ZSWIM6: variants seen among roughly 807,000 people sequenced by gnomAD.
ZSWIM6 encodes zinc finger SWIM-type containing 6.
Under a neutral mutation model 113.2 loss-of-function variants are expected in ZSWIM6, and 9 were observed. The ratio of observed to expected loss-of-function variants is 0.08; its 90% confidence interval spans 0.05 to 0.14. The LOEUF (loss-of-function observed/expected upper bound fraction) is 0.14. ZSWIM6 is among the 10% of genes least tolerant of loss of function. The pLI is 1.00. For missense variants in ZSWIM6, 1,162 were observed against 1,552.2 expected (o/e 0.75, Z 4.22); for synonymous variants, 611 against 606.5 (o/e 1.01, Z -0.11).
In ZSWIM6 at chr5:61,332,920, C is replaced by T. The variant is rs1239039943; in HGVS notation, c.648C>T (p.Ser216=). 3 of 1,350,724 alleles carry T rather than the reference C, an allele frequency of 2.2e-6. No homozygotes were observed. Among genetic ancestry groups the T allele is most frequent in the South Asian group, 1.5e-5 (1 of 64,614 alleles). The allele number at this position is 1,350,724 out of a possible 1,614,324, so 83.7% of individuals were successfully genotyped here. A position where few individuals can be genotyped will look rare whatever the true frequency, so the allele number is the denominator to read the frequency against. The part of the protein sequence containing the change: ...PFRRGIALLE[S]GCVDNVLQVG... ...GCCGGGGCATCGCGCTGTTGGAAAG[C>T]GGCTGCGTAGACAACGTCCTGCAAG... The change falls in exon 1 of 14, where the codon AGC becomes AGT. Residue 216 remains serine, a synonymous_variant. Transcript: ENST00000252744.
intron 1 of ZSWIM6, among the ~76,000 whole-genome samples, chr5:61,418,392 G>A (rs996028476): frequency 1.3e-5 from 2 of 151,250 alleles, no homozygotes; most frequent in African/African-American, 4.9e-5. Flanking sequence ...CTCAGCGTCC[G>A]AAGTAGTTGG....
At chr5:61,365,881 C>T (rs1363988601) in intron 1 of ZSWIM6, among the ~76,000 whole-genome samples, 1 of 152,158 alleles carries the variant, frequency 6.6e-6, no homozygotes, top group Non-Finnish European at 1.5e-5. Context: ...AGTTCCTCTT[C>T]TGTAAAGCAC....
At chr5:61,441,079 G>A (rs574946854) in intron 1 of ZSWIM6, among the ~76,000 whole-genome samples, 49 of 152,300 alleles carry the variant, frequency 3.2e-4, no homozygotes, top group African/African-American at 1.2e-3. Context: ...ACAGAGAGAG[G>A]AGAAGGGGCA....
chr5:61,491,003 A>G (rs1748161820), intron 3 of ZSWIM6, 69 bp downstream of exon 3: 11 of 1,366,480 alleles, frequency 8.0e-6, no homozygotes, highest in Non-Finnish European at 1.1e-5. Context: ...GAATATGATC[A>G]TGTCTACAAT....
At chr5:61,496,798 A>G (rs1748327512) in intron 4 of ZSWIM6, among the ~76,000 whole-genome samples, 1 of 152,186 alleles carries the variant, frequency 6.6e-6, no homozygotes, top group Admixed American at 6.5e-5. Flanking sequence ...TAAAAGCCCC[A>G]TTTGCCTTTT....
chr5:61,529,992 A>T (rs1468741676), intron 7 of ZSWIM6, 60 bp from the exon 8 acceptor site: 6 of 1,407,852 alleles, frequency 4.3e-6, no homozygotes, highest in Non-Finnish European at 5.7e-6. Context: ...TGTTTTCCCC[A>T]CTTCTTTCCC....
chr5:61,335,677 A>T (rs1007163461), intron 1 of ZSWIM6, among the ~76,000 whole-genome samples: 2 of 152,268 alleles, frequency 1.3e-5, no homozygotes, highest in Non-Finnish European at 2.9e-5. Flanking sequence ...TACAGAAAGT[A>T]TTCATTGACT....
intron 1 of ZSWIM6, among the ~76,000 whole-genome samples, chr5:61,427,668 A>G (rs910731078): frequency 6.6e-6 from 1 of 151,650 alleles, no homozygotes; most frequent in African/African-American, 2.4e-5. Flanking sequence ...TTTTGTAGAG[A>G]CAGGGACTCA....
intron 1 of ZSWIM6, among the ~76,000 whole-genome samples, chr5:61,393,285 A>T (rs1745768686): frequency 6.6e-6 from 1 of 151,346 alleles, no homozygotes; most frequent in South Asian, 2.1e-4. Flanking sequence ...TGACCTCATG[A>T]TCCACCCGCC....
chr5:61,462,386 CTA>C (rs1163051661), intron 1 of ZSWIM6, among the ~76,000 whole-genome samples: 1 of 152,132 alleles, frequency 6.6e-6, no homozygotes, highest in African/African-American at 2.4e-5. Flanking sequence ...CTGATTAAAA[CTA>C]AAAGTTATTT....
chr5:61,445,048 T>G (rs911845717), intron 1 of ZSWIM6, among the ~76,000 whole-genome samples: 3 of 152,246 alleles, frequency 2.0e-5, no homozygotes, highest in African/African-American at 4.8e-5. Context: ...TGTGATTTGG[T>G]GTCTAGTAGT....
chr5:61,401,138 A>G (rs999238636), intron 1 of ZSWIM6, among the ~76,000 whole-genome samples: 7 of 152,078 alleles, frequency 4.6e-5, no homozygotes, highest in African/African-American at 9.7e-5. Flanking sequence ...GGTCTTTACT[A>G]ATACTGCCAC....
intron 1 of ZSWIM6, among the ~76,000 whole-genome samples, chr5:61,383,204 T>A (rs909275909): frequency 6.6e-5 from 10 of 152,354 alleles, no homozygotes; most frequent in African/African-American, 2.2e-4. Context: ...TGTATTTTGC[T>A]TCTATTTAGG....
chr5:61,543,631 G>A lies in ZSWIM6; in HGVS notation c.2962G>A (p.Ala988Thr), dbSNP rs1749802217. ...SSARTLALQC[A>T]MKDPQNCALS... ...CGCCCGGACACTTGCACTGCAGTGTGCCATGAAGGATCCACAGAACTGTGC... is the reference window on the plus strand; with the variant it reads ...CGCCCGGACACTTGCACTGCAGTGTACCATGAAGGATCCACAGAACTGTGC... The change falls in exon 14 of 14, where the codon GCC (alanine) becomes ACC (threonine). Residue 988 changes from alanine (A) to threonine (T), a missense_variant. By Grantham distance (58) the Ala-to-Thr change is moderately conservative (BLOSUM62 0). Transcript: ENST00000252744. The surrounding 1 kb of genome is among the most constrained non-coding windows in gnomAD (Gnocchi z 4.3). 13 of 1,551,638 alleles carry A rather than the reference G, an allele frequency of 8.4e-6. No homozygotes were observed. Among genetic ancestry groups the A allele is most frequent in the Non-Finnish European group, 1.0e-5 (12 of 1,147,030 alleles).
chr5:61,525,853 G>T lies in ZSWIM6; in HGVS notation c.1567G>T (p.Asp523Tyr), dbSNP rs1428199352. 5 of 1,551,788 alleles carry T rather than the reference G, an allele frequency of 3.2e-6. No homozygotes were observed. Among genetic ancestry groups the T allele is most frequent in the Admixed American group, 2.0e-5 (1 of 50,986 alleles). Reference protein sequence around the residue: ...TVFTRAIEACDLHWQDSHLQH... With the variant: ...TVFTRAIEACYLHWQDSHLQH... ...GTTCACCCGAGCCATCGAGGCATGCGATCTCCACTGGCAGGATAGCCACTT... is the reference window on the plus strand; with the variant it reads ...GTTCACCCGAGCCATCGAGGCATGCTATCTCCACTGGCAGGATAGCCACTT... Residue 523 changes from aspartate to tyrosine, a missense_variant, in exon 6 of 14, where the codon GAT becomes TAT. Physicochemically the swap from Asp to Tyr is radical, Grantham distance 160 (BLOSUM62 -3). Transcript: ENST00000252744.
chr5:61,487,983 C>G (rs968762596), intron 2 of ZSWIM6, among the ~76,000 whole-genome samples: 6 of 151,972 alleles, frequency 3.9e-5, no homozygotes, highest in South Asian at 2.1e-4. Flanking sequence ...CAACTTTTCC[C>G]CATTCAGTAT....
At chr5:61,451,256 A>T (rs1333362426) in intron 1 of ZSWIM6, among the ~76,000 whole-genome samples, 3 of 152,240 alleles carry the variant, frequency 2.0e-5, no homozygotes, top group African/African-American at 7.2e-5. Context: ...TCAGGAAGTC[A>T]GGATACCAAT....
chr5:61,527,065 C>G (rs1749304794), intron 7 of ZSWIM6, among the ~76,000 whole-genome samples: 1 of 152,150 alleles, frequency 6.6e-6, no homozygotes, highest in Non-Finnish European at 1.5e-5. Context: ...GAGCTGTCAG[C>G]TGAAAGAACA....
At chr5:61,527,725 C>T (rs1749324999) in intron 7 of ZSWIM6, among the ~76,000 whole-genome samples, 1 of 152,026 alleles carries the variant, frequency 6.6e-6, no homozygotes. Context: ...GAGTGCAGGA[C>T]TTGTTATACT....
Sources: allele counts gnomAD v4.1 joint callset (sites outside exome capture counted in the v4.1 genomes callset), GRCh38; gene constraint gnomAD v4.1.1; non-coding constraint Gnocchi (gnomAD v3.1); transcripts MANE v1.5; gene names NCBI Gene and HGNC (gene_info 2026-07-23, HGNC 2026-07-21).